Variants in OSBPL9 observed in about 807,000 individuals in gnomAD.
OSBPL9 encodes oxysterol-binding protein-related protein 9.
A neutral mutation model predicts 106.6 loss-of-function variants in OSBPL9; 40 were observed. The ratio of observed to expected loss-of-function variants is 0.38; its 90% CI spans 0.29 to 0.49. OSBPL9 has a LOEUF of 0.49. Ranked by LOEUF, OSBPL9 falls within the 20% of genes least tolerant of loss-of-function variation. OSBPL9 has a pLI of 0.97. For missense variants in OSBPL9, 609 were observed against 887.2 expected (o/e 0.69, Z 3.98); for synonymous variants, 269 against 295.4 (o/e 0.91, Z 0.92).
chr1:51,723,380 T>C (rs1237188322), intron 4 of OSBPL9, among the ~76,000 whole-genome samples: 1 of 152,244 alleles, frequency 6.6e-6, no homozygotes, highest in Non-Finnish European at 1.5e-5. Flanking sequence ...CAGAATGTCA[T>C]ATCATTGGAA....
intron 4 of OSBPL9, among the ~76,000 whole-genome samples, chr1:51,737,665 T>C (rs899970623): frequency 6.6e-6 from 1 of 151,998 alleles, no homozygotes; most frequent in African/African-American, 2.4e-5. Flanking sequence ...TGTGTACTTA[T>C]CTAGCATAAG....
chr1:51,742,143 G>C (rs1557779588), intron 4 of OSBPL9, among the ~76,000 whole-genome samples: 1 of 152,308 alleles, frequency 6.6e-6, no homozygotes, highest in East Asian at 1.9e-4. Flanking sequence ...AGCTGGCCCT[G>C]ATGGGTATAG....
the OSBPL9 span, among the ~76,000 whole-genome samples, chr1:51,552,471 G>A: frequency 6.6e-6 from 1 of 152,142 alleles, no homozygotes; most frequent in Non-Finnish European, 1.5e-5. Flanking sequence ...ATGGAGCCTG[G>A]ATTTGAACTC....
rs4626931 is a variant in OSBPL9 at position 51,647,158 on chromosome 1, G to A, written c.112-4833G>A. Among the ~76,000 whole-genome samples, 4 of 152,006 alleles carry A rather than the reference G, an allele frequency of 2.6e-5. No individual in the cohort carries two copies. In the South Asian group the frequency reaches 6.2e-4, roughly 24 times the overall value. On this transcript the variant is annotated intron_variant, in intron 1 of 23. Transcript: ENST00000428468. The stretch of plus-strand genomic sequence containing the variant: ...TGGTGTTAGATTTTTTTAAAAGTAC[G>A]TTTTCTGTGTCTTTTGAGATGATCA...
chr1:51,721,215 A>T (rs936647945), intron 4 of OSBPL9, among the ~76,000 whole-genome samples: 5 of 151,748 alleles, frequency 3.3e-5, no homozygotes, highest in Admixed American at 1.3e-4. Flanking sequence ...CTTGTATACA[A>T]GGTTATAAGA....
chr1:51,602,392 G>C (rs191348013), intron 2 of OSBPL9, among the ~76,000 whole-genome samples: 3 of 147,148 alleles, frequency 2.0e-5, no homozygotes, highest in East Asian at 2.0e-4. Flanking sequence ...TTCATAATCC[G>C]TCTCGTTCAT....
chr1:51,776,746 T>G (rs1675166774), intron 14 of OSBPL9, 87 bp from the exon 15 acceptor site: 2 of 899,132 alleles, frequency 2.2e-6, no homozygotes, highest in African/African-American at 3.4e-5. Flanking sequence ...TGAGGTGGTG[T>G]TTTGTTTTGT....
At chr1:51,606,454 A>G (rs1643948834) in intron 2 of OSBPL9, among the ~76,000 whole-genome samples, 1 of 152,200 alleles carries the variant, frequency 6.6e-6, no homozygotes, top group South Asian at 2.1e-4. Flanking sequence ...GGCTGTGATG[A>G]TTTGTCTTTA....
intron 1 of OSBPL9, among the ~76,000 whole-genome samples, chr1:51,584,850 C>G (rs1645238541): frequency 6.6e-6 from 1 of 152,152 alleles, no homozygotes; most frequent in African/African-American, 2.4e-5. Context: ...TTACAAATCC[C>G]TTAAATGCCC....
chr1:51,680,275 C>T (rs1325304640), intron 3 of OSBPL9, among the ~76,000 whole-genome samples: 2 of 151,306 alleles, frequency 1.3e-5, no homozygotes, highest in Non-Finnish European at 2.9e-5. Flanking sequence ...AATTTTGAGT[C>T]ATTCTGTATA....
At chr1:51,784,168 T>C in intron 18 of OSBPL9, 96 bp from the exon 19 acceptor site, 1 of 1,443,408 alleles carries the variant, frequency 6.9e-7, no homozygotes. Flanking sequence ...TATCCCTAAA[T>C]TGAATGGAGT....
chr1:51,714,025 G>A lies in OSBPL9; in HGVS notation c.264G>A (p.Glu88=), dbSNP rs1170171261. ...CAGCCCGTGATGCTGATGAGCGAGA[G>A]AAGTGGATCCATGCCTTAGAAGAAA... ...HFQARDADER[E]KWIHALEETI... Residue 88 remains glutamate, a synonymous_variant, in exon 4 of 24, where the codon GAG becomes GAA. Coordinates refer to ENST00000428468, the MANE Select transcript of OSBPL9 (RefSeq NM_024586.6). 6.2e-7 allele frequency: 1 copy of A among 1,609,278 alleles called. No homozygotes were observed. Among genetic ancestry groups the A allele is most frequent in the African/African-American group, 1.3e-5 (1 of 74,958 alleles).
In OSBPL9 at chr1:51,769,004, G is replaced by A. The variant is rs1221995832; in HGVS notation, c.938+3023G>A. ...GTAAGGACTGCAGATGTTTTATTTGGGCAGCACAGTGTTCTGTTGACTTGT... is the reference window on the plus strand; with the variant it reads ...GTAAGGACTGCAGATGTTTTATTTGAGCAGCACAGTGTTCTGTTGACTTGT... On this transcript the variant is annotated intron_variant, in intron 12 of 23. Transcript: ENST00000428468. Among the ~76,000 whole-genome samples the A allele has an allele frequency of 3.9e-5, 6 of 152,216 alleles. No homozygotes were observed. In the East Asian group the frequency reaches 1.2e-3, roughly 29 times the overall value.
upstream of OSBPL9, among the ~76,000 whole-genome samples, chr1:51,573,508 C>CAAAA (rs961323006): frequency 1.9e-3 from 48 of 25,044 alleles, 1 homozygote; most frequent in Non-Finnish European, 2.9e-3. Context: ...AACTCCATCT[C>CAAAA]AAAAAAAAAA....
Position 51,674,108 on chromosome 1 carries a change from G to C in OSBPL9, c.241+4596G>C, listed in dbSNP as rs577428284. Among the ~76,000 whole-genome samples the C allele has an allele frequency of 3.9e-4, 58 of 148,844 alleles. 1 individual carries two copies. Among genetic ancestry groups the C allele is most frequent in the Admixed American group, 3.8e-3 (56 of 14,874 alleles). ...GGGCCTTGCTCTGTCACCCAGGCTG[G>C]AGTGTAGTGGCATGATCATGGCTCA... is the stretch of plus-strand genomic sequence containing the variant. On this transcript the variant is annotated intron_variant, in intron 3 of 23. Coordinates refer to ENST00000428468, the MANE Select transcript of OSBPL9 (RefSeq NM_024586.6).
intron 15 of OSBPL9, 103 bp downstream of exon 15, chr1:51,777,021 C>T (rs1675241712): frequency 2.2e-6 from 2 of 904,208 alleles, no homozygotes; most frequent in Non-Finnish European, 1.8e-6. Flanking sequence ...ACCTTTCAAA[C>T]ATTTCTGGGT....
intron 1 of OSBPL9, among the ~76,000 whole-genome samples, chr1:51,618,123 T>C (rs1168459670): frequency 6.6e-6 from 1 of 152,038 alleles, no homozygotes; most frequent in African/African-American, 2.4e-5. Flanking sequence ...GTTCAAGCGA[T>C]TCTCCTGCCT....
chr1:51,610,448 C>G (rs374200961), intron 2 of OSBPL9, among the ~76,000 whole-genome samples: 3 of 151,262 alleles, frequency 2.0e-5, no homozygotes, highest in Admixed American at 6.6e-5. Context: ...TTGGTAGAGA[C>G]GGGGTTTCAC....
intron 1 of OSBPL9, among the ~76,000 whole-genome samples, chr1:51,636,938 C>T (rs940872126): frequency 2.0e-5 from 3 of 152,076 alleles, no homozygotes; most frequent in Admixed American, 6.6e-5. Context: ...TCAGCATTAC[C>T]GCCCTCTGAG....
Sources: gnomAD v4.1 joint callset for allele counts (sites outside exome capture counted in the v4.1 genomes callset) on GRCh38, gnomAD v4.1.1 for gene constraint, MANE v1.5 for transcripts, NCBI Gene and HGNC (gene_info 2026-07-23, HGNC 2026-07-21) for gene names.